PRDM11: variants seen among roughly 807,000 people sequenced by gnomAD.
PRDM11 encodes the protein PR/SET domain 11.
A neutral mutation model predicts 97.8 loss-of-function variants in PRDM11; 20 were observed. The observed-to-expected ratio is 0.20, with a 90% CI of 0.14 to 0.30. The LOEUF (loss-of-function observed/expected upper bound fraction) is 0.30. Among genes scored for constraint, PRDM11 ranks in the 10% least tolerant of loss-of-function variants. The pLI, the probability that PRDM11 is intolerant of heterozygous loss-of-function variation, is 1.00. For synonymous variants in PRDM11, 599 were observed against 637.7 expected (o/e 0.94, Z 0.91); for missense variants, 1,139 against 1,555.2 (o/e 0.73, Z 4.50).
intron 1 of PRDM11, among the ~76,000 whole-genome samples, chr11:45,132,731 G>A (rs1375199269): frequency 6.6e-6 from 1 of 152,104 alleles, no homozygotes; most frequent in Admixed American, 6.5e-5. Context: ...TAAGGACATC[G>A]AAGTCAACCT....
At position 45,231,163 on chromosome 11, in the gene PRDM11, G is replaced by A. The variant is rs1401295446; in HGVS notation, c.*3004G>A. On this transcript the variant is annotated 3_prime_UTR_variant, in exon 8 of 8. Coordinates refer to ENST00000683152, the MANE Select transcript of PRDM11 (RefSeq NM_001384648.1). ...TGTAGGCCACACTGCCATGGGACAG[G>A]GAATAATTTGGGTGATACACCACTG... 6.6e-6 allele frequency: 1 copy of A among 152,176 alleles called. No individual in the cohort carries two copies. Among genetic ancestry groups the A allele is most frequent in the African/African-American group, 2.4e-5 (1 of 41,446 alleles). The allele number at this position is 152,176 out of a possible 1,614,324, so 9.4% of individuals were successfully genotyped here. A position where few individuals can be genotyped will look rare whatever the true frequency, so the allele number is the denominator to read the frequency against.
intron 5 of PRDM11, among the ~76,000 whole-genome samples, chr11:45,205,667 A>G (rs1231590227): frequency 6.6e-6 from 1 of 152,020 alleles, no homozygotes; most frequent in Non-Finnish European, 1.5e-5. Context: ...TGATGGTGGG[A>G]TTGTACTTGG....
intron 1 of PRDM11, among the ~76,000 whole-genome samples, chr11:45,140,957 T>A (rs897076750): frequency 1.2e-4 from 18 of 152,284 alleles, no homozygotes; most frequent in Admixed American, 6.5e-4. Context: ...CATTGAGGAC[T>A]TCCAAAATGG....
intron 5 of PRDM11, 65 bp downstream of exon 5, chr11:45,204,843 G>A (rs192070997): frequency 7.3e-6 from 11 of 1,502,682 alleles, no homozygotes; most frequent in Non-Finnish European, 9.3e-6. Flanking sequence ...CCAAGGGAGT[G>A]TGTTGGACCT....
chr11:45,107,294 T>C (rs1565224315), intron 1 of PRDM11, among the ~76,000 whole-genome samples: 1 of 152,196 alleles, frequency 6.6e-6, no homozygotes, highest in Non-Finnish European at 1.5e-5. Context: ...CCTGGGCTGA[T>C]GACATCTTCG....
intron 4 of PRDM11, among the ~76,000 whole-genome samples, chr11:45,199,455 G>A (rs1271029186): frequency 2.0e-5 from 3 of 152,188 alleles, no homozygotes; most frequent in Non-Finnish European, 4.4e-5. Context: ...TCCCACATCT[G>A]ATGATGATGG....
chr11:45,134,668 C>T (rs1852793837), intron 1 of PRDM11, among the ~76,000 whole-genome samples: 1 of 117,006 alleles, frequency 8.5e-6, no homozygotes, highest in Non-Finnish European at 1.6e-5. Flanking sequence ...CACTGCACTC[C>T]AGCCTGAGCA....
At chr11:45,204,057 C>T (rs541489403) in intron 4 of PRDM11, among the ~76,000 whole-genome samples, 1 of 152,320 alleles carries the variant, frequency 6.6e-6, no homozygotes, top group East Asian at 1.9e-4. Context: ...AAAAGAACAA[C>T]ATTAGACTGA....
chr11:45,180,710 C>T (rs1033438752), intron 1 of PRDM11, among the ~76,000 whole-genome samples: 85 of 149,870 alleles, frequency 5.7e-4, no homozygotes, highest in African/African-American at 2.1e-3. Context: ...CGGGCCGGGC[C>T]GGGCAGGGAG....
At chr11:45,204,612 G>A in intron 4 of PRDM11, 99 bp from the exon 5 acceptor site, 2 of 1,067,158 alleles carry the variant, frequency 1.9e-6, no homozygotes, top group Middle Eastern at 2.1e-4. Flanking sequence ...GGGGGAGGGA[G>A]CAGGTGGGAC....
At chr11:45,142,798 C>A (rs1026048165), upstream of PRDM11, among the ~76,000 whole-genome samples, 4 of 152,182 alleles carry the variant, frequency 2.6e-5, no homozygotes, top group East Asian at 7.7e-4. Flanking sequence ...AAGATCAGAA[C>A]AGAACTGTGC....
In PRDM11 at chr11:45,125,914, T is replaced by C. The variant is rs1590357787; in HGVS notation, c.96+30013T>C. Among the ~76,000 whole-genome samples, 3 of 152,220 alleles carry C rather than the reference T, an allele frequency of 2.0e-5. No homozygotes were observed. In the South Asian group the frequency reaches 6.2e-4, roughly 32 times the overall value. On this transcript the variant is annotated intron_variant, in intron 1 of 6. Transcript: ENST00000530656. ...TATCCTTGTTAACTTTCTGTCTTGT[T>C]GATCTGTCTAATGTTGACAGTGAGG...
chr11:45,182,818 C>T (rs2135738870), intron 3 of PRDM11, 43 bp from the exon 4 acceptor site: 1 of 1,534,440 alleles, frequency 6.5e-7, no homozygotes, highest in East Asian at 2.3e-5. Context: ...GTCTTACCTC[C>T]CTGCAACAAC....
chr11:45,191,233 G>A (rs977194507), intron 4 of PRDM11, among the ~76,000 whole-genome samples: 12 of 152,086 alleles, frequency 7.9e-5, no homozygotes, highest in South Asian at 2.1e-4. Context: ...GGTGGATTCC[G>A]ATTACAGCTT....
intron 4 of PRDM11, among the ~76,000 whole-genome samples, chr11:45,202,042 C>T (rs779296184): frequency 3.3e-5 from 5 of 152,124 alleles, no homozygotes; most frequent in Non-Finnish European, 5.9e-5. Context: ...CTCCTGGCCT[C>T]AAGCAATTCT....
At chr11:45,128,615 TA>T (rs1256734121) in intron 1 of PRDM11, among the ~76,000 whole-genome samples, 1 of 145,658 alleles carries the variant, frequency 6.9e-6, no homozygotes, top group South Asian at 2.1e-4. Context: ...ATAAAAAAAG[TA>T]AAAAATACTG....
Position 45,219,952 on chromosome 11 carries a change from C to G in PRDM11, c.742+195C>G, listed in dbSNP as rs550762269. Among the ~76,000 whole-genome samples the G allele has an allele frequency of 4.1e-4, 63 of 152,258 alleles. No individual in the cohort carries two copies. Among genetic ancestry groups the G allele is most frequent in the African/African-American group, 1.5e-3 (63 of 41,572 alleles). ...GGCCACCCCAGCATGTTATCGACCC[C>G]TAGAAATGGTCTCAGAAATCCTTAC... On this transcript the variant is annotated intron_variant, in intron 6 of 7. Coordinates refer to ENST00000683152, the MANE Select transcript of PRDM11 (RefSeq NM_001384648.1). This position sits in a 1 kb window ranked among gnomAD's most constrained non-coding sequence, Gnocchi z 4.2.
chr11:45,208,341 C>T (rs150860688), intron 5 of PRDM11, among the ~76,000 whole-genome samples: 12 of 152,310 alleles, frequency 7.9e-5, no homozygotes, highest in East Asian at 1.9e-4. Context: ...CTACACCCAA[C>T]GGTAGCCAGT....
At chr11:45,143,084 G>T (rs1047342833), upstream of PRDM11, among the ~76,000 whole-genome samples, 55 of 152,334 alleles carry the variant, frequency 3.6e-4, no homozygotes, top group Non-Finnish European at 2.4e-4. Context: ...CTTCTTATTA[G>T]CAAGGAAGAT....
Sources: gnomAD v4.1 joint callset for allele counts (sites outside exome capture counted in the v4.1 genomes callset) on GRCh38, gnomAD v4.1.1 for gene constraint, Gnocchi (gnomAD v3.1) non-coding constraint, MANE v1.5 for transcripts, NCBI Gene and HGNC (gene_info 2026-07-23, HGNC 2026-07-21) for gene names.